JPH3: variants seen among roughly 807,000 people sequenced by gnomAD.
JPH3 encodes junctophilin-3.
In JPH3, 11 loss-of-function variants were observed where a neutral mutation model predicts 59.6. That is an observed-to-expected ratio of 0.18 (90% CI 0.12 to 0.31). The LOEUF is 0.31. Among genes scored for constraint, JPH3 ranks in the 10% least tolerant of loss-of-function variants. JPH3 has a pLI of 1.00. For missense variants in JPH3, 1,202 were observed against 1,105.7 expected, an observed-to-expected ratio of 1.09 and a Z score of -1.24; for synonymous variants, 673 against 483.6, an observed-to-expected ratio of 1.39 and a Z score of -5.14.
At chr16:87,668,934 C>T (rs925128452) in intron 2 of JPH3, among the ~76,000 whole-genome samples, 50 of 152,158 alleles carry the variant, frequency 3.3e-4, no homozygotes, top group Non-Finnish European at 1.8e-4. Context: ...TCCCTCGCCT[C>T]CACGTGGGCT....
At chr16:87,609,806 G>T (rs2030665692) in intron 1 of JPH3, among the ~76,000 whole-genome samples, 1 of 152,170 alleles carries the variant, frequency 6.6e-6, no homozygotes, top group African/African-American at 2.4e-5. Context: ...TTGGCACCAG[G>T]GACCTGTTTC....
intron 1 of JPH3, among the ~76,000 whole-genome samples, chr16:87,635,455 C>T (rs890095356): frequency 1.3e-5 from 2 of 152,234 alleles, no homozygotes; most frequent in Non-Finnish European, 2.9e-5. Flanking sequence ...TACTTACCCA[C>T]AAGGCCGGCT....
intron 1 of JPH3, among the ~76,000 whole-genome samples, chr16:87,630,094 G>A (rs1228217250): frequency 6.6e-6 from 1 of 152,190 alleles, no homozygotes; most frequent in African/African-American, 2.4e-5. Flanking sequence ...GGGCGTGGCT[G>A]CTCCACTCAG....
chr16:87,629,161 C>A (rs2031481089), intron 1 of JPH3, among the ~76,000 whole-genome samples: 1 of 152,088 alleles, frequency 6.6e-6, no homozygotes, highest in South Asian at 2.1e-4. Flanking sequence ...GAAGTGACTC[C>A]ATGCCTGCTG....
chr16:87,692,037 C>T (rs1567617485), intron 4 of JPH3, among the ~76,000 whole-genome samples: 1 of 152,150 alleles, frequency 6.6e-6, no homozygotes, highest in Non-Finnish European at 1.5e-5. Flanking sequence ...TAGCGACACG[C>T]AGGGTGCTAC....
intron 1 of JPH3, chr16:87,604,651 C>A (rs2030444358): frequency 3.5e-5 from 41 of 1,166,416 alleles, no homozygotes; most frequent in Non-Finnish European, 4.3e-5. Flanking sequence ...TCCTCCCCGC[C>A]CGCTCGCTGC....
At chr16:87,615,581 C>G (rs1381712746) in intron 1 of JPH3, among the ~76,000 whole-genome samples, 3 of 152,182 alleles carry the variant, frequency 2.0e-5, no homozygotes, top group South Asian at 2.1e-4. Context: ...CTCAGAGATG[C>G]AACAGAAGTG....
In JPH3 at chr16:87,644,815, G is replaced by A. The variant is rs759416796; in HGVS notation, c.940G>A (p.Glu314Lys). Residue 314 changes from glutamate to lysine, a missense_variant, in exon 2 of 5, where the codon GAG (glutamate) becomes AAG (lysine). Physicochemically the swap from Glu to Lys is moderately conservative, Grantham distance 56. Coordinates refer to ENST00000284262, the MANE Select transcript of JPH3 (RefSeq NM_020655.4). ...CTCGGACGGGCTCAAGTACGAGGGC[G>A]AGTGGGCCAGCAACCGGCGCCATGG... ...QRSDGLKYEG[E>K]WASNRRHGYG... 35 of 1,613,364 alleles carry A rather than the reference G, an allele frequency of 2.2e-5. No individual in the cohort carries two copies. The highest frequency in any genetic ancestry group is 4.5e-5 in the East Asian group (2 of 44,834).
intron 2 of JPH3, among the ~76,000 whole-genome samples, chr16:87,668,696 C>T (rs1045193398): frequency 2.6e-5 from 4 of 152,200 alleles, no homozygotes; most frequent in Non-Finnish European, 5.9e-5. Flanking sequence ...TCATCTGGTT[C>T]CATTGCTGTC....
At chr16:87,673,070 C>T (rs1296058180) in intron 2 of JPH3, among the ~76,000 whole-genome samples, 1 of 151,848 alleles carries the variant, frequency 6.6e-6, no homozygotes, top group African/African-American at 2.4e-5. Flanking sequence ...CGCTTAAACC[C>T]AGGAGGCGGA....
In JPH3 at chr16:87,687,572, C is replaced by T. The variant is rs185037657; in HGVS notation, c.1286-2074C>T. Among the ~76,000 whole-genome samples, 816 of 152,358 alleles carry T rather than the reference C, an allele frequency of 5.4e-3. 3 individuals carry two copies. Among genetic ancestry groups the T allele is most frequent in the Middle Eastern group, 0.017 (5 of 294 alleles). ...CTTCCGGTGCCATCCGCCCCCGCCC[C>T]AGAGGCAGGAGGACTGAGCGTCGGA... On this transcript the variant is annotated intron_variant, in intron 3 of 4. Coordinates refer to ENST00000284262, the MANE Select transcript of JPH3 (RefSeq NM_020655.4).
chr16:87,639,202 C>T (rs1164553857), intron 1 of JPH3, among the ~76,000 whole-genome samples: 1 of 152,156 alleles, frequency 6.6e-6, no homozygotes, highest in Non-Finnish European at 1.5e-5. Context: ...GTGATCTGCA[C>T]AGCCGCCCTC....
intron 1 of JPH3, among the ~76,000 whole-genome samples, chr16:87,616,587 G>C (rs1231694873): frequency 1.3e-5 from 2 of 151,872 alleles, no homozygotes; most frequent in Non-Finnish European, 2.9e-5. Flanking sequence ...TTTATTTTGA[G>C]ATCACCGTAG....
rs1166536403 is a variant in JPH3, at chr16:87,639,611, T to TCCTCCCTCCTGG, written c.383-4628_383-4617dup. On this transcript the variant is annotated intron_variant, in intron 1 of 4. Coordinates refer to ENST00000284262, the MANE Select transcript of JPH3 (RefSeq NM_020655.4). ...TGCTCACTGCCTGTCCTCCCTCCTG[T>TCCTCCCTCCTGG]CCTCCCTCCTGGCCTCCCTCCTGGC... is the stretch of plus-strand genomic sequence containing the variant. 1.8e-3 allele frequency among the ~76,000 whole-genome samples: 273 copies of TCCTCCCTCCTGG among 149,258 alleles called. 1 individual carries two copies. The highest frequency in any genetic ancestry group is 6.4e-3 in the Admixed American group (97 of 15,138).
intron 2 of JPH3, among the ~76,000 whole-genome samples, chr16:87,655,357 G>A (rs777231244): frequency 1.4e-4 from 7 of 50,364 alleles, no homozygotes; most frequent in Non-Finnish European, 2.6e-4. Context: ...GTGACAGGGT[G>A]TTATTTTTTG....
chr16:87,691,986 ACAAGCTGGGGACAAGTGC>A (rs2033595546), intron 4 of JPH3, among the ~76,000 whole-genome samples: 1 of 152,104 alleles, frequency 6.6e-6, no homozygotes, highest in Non-Finnish European at 1.5e-5. Flanking sequence ...GGGTCAATGC[ACAAGCTGGGGACAAGTGC>A]CAAGCTGGCC....
intron 2 of JPH3, among the ~76,000 whole-genome samples, chr16:87,672,044 A>G (rs935489364): frequency 6.6e-6 from 1 of 151,950 alleles, no homozygotes; most frequent in African/African-American, 2.4e-5. Context: ...GGGCAGGTGG[A>G]GATGCGGTGC....
chr16:87,648,241 G>GA (rs140977145), intron 2 of JPH3, among the ~76,000 whole-genome samples: 42 of 149,002 alleles, frequency 2.8e-4, no homozygotes, highest in African/African-American at 6.1e-4. Context: ...AGAATTTGGG[G>GA]AAAAAAAAAA....
intron 2 of JPH3, among the ~76,000 whole-genome samples, chr16:87,664,902 G>A (rs1567606014): frequency 6.6e-6 from 1 of 152,212 alleles, no homozygotes; most frequent in South Asian, 2.1e-4. Context: ...GGTCACCAGT[G>A]CATCTCCAGG....
Sources: gnomAD v4.1 joint callset for allele counts (sites outside exome capture counted in the v4.1 genomes callset) on GRCh38, gnomAD v4.1.1 for gene constraint, MANE v1.5 for transcripts, NCBI Gene and HGNC (gene_info 2026-07-23, HGNC 2026-07-21) for gene names.